The following BMPR1B variants were observed in gnomAD, a reference collection of about 807,000 sequenced individuals.
BMPR1B encodes the protein bone morphogenetic protein receptor type 1B.
Under a neutral mutation model 59.1 loss-of-function variants are expected in BMPR1B, and 12 were observed. The ratio of observed to expected loss-of-function variants is 0.20; its 90% CI spans 0.13 to 0.33. The LOEUF (loss-of-function observed/expected upper bound fraction) is 0.33. BMPR1B is among the 10% of genes least tolerant of loss of function. BMPR1B has a pLI of 1.00. For synonymous variants in BMPR1B, 237 were observed against 207.3 expected (o/e 1.14, Z -1.23); for missense variants, 550 against 610.9 (o/e 0.90, Z 1.05).
rs964196810 is a variant in BMPR1B at position 95,113,515 on chromosome 4, C to T, written c.144-1205C>T. Among the ~76,000 whole-genome samples, 5 of 152,084 alleles carry T rather than the reference C, an allele frequency of 3.3e-5. No individual in the cohort carries two copies. In the South Asian group the frequency reaches 1.0e-3, roughly 32 times the overall value. Reference sequence around the variant, plus strand: ...TAGTATCGTTCTCAGAGCTTTATTCCCATGACCTTTCAAGATTACATTGCC... The same window carrying T: ...TAGTATCGTTCTCAGAGCTTTATTCTCATGACCTTTCAAGATTACATTGCC... On this transcript the variant is annotated intron_variant, in intron 4 of 12. Coordinates refer to ENST00000515059, the MANE Select transcript of BMPR1B (RefSeq NM_001203.3).
rs556096275 is a variant in BMPR1B, at chr4:94,841,640, C to A, written c.-182-34191C>A. ...TTCGGCTCGCACACGGTGCGCGCACCCACTGATCTGCGCCCACTGGCACTC... is the reference window on the plus strand; with the variant it reads ...TTCGGCTCGCACACGGTGCGCGCACACACTGATCTGCGCCCACTGGCACTC... On this transcript the variant is annotated intron_variant, in intron 1 of 12. Coordinates refer to ENST00000515059, the MANE Select transcript of BMPR1B (RefSeq NM_001203.3). Among the ~76,000 whole-genome samples the A allele has an allele frequency of 3.3e-5, 5 of 152,210 alleles. 1 individual carries two copies. In the South Asian group the frequency reaches 1.0e-3, roughly 32 times the overall value.
At chr4:95,060,255 A>G (rs957702364) in intron 3 of BMPR1B, among the ~76,000 whole-genome samples, 2 of 152,040 alleles carry the variant, frequency 1.3e-5, no homozygotes, top group African/African-American at 4.8e-5. Flanking sequence ...AATTCAAGAT[A>G]ATAAAGTTCA....
rs562931077 is a variant in BMPR1B at position 95,129,517 on chromosome 4, A to C, written c.586-345A>C. ...TAGGTGTATGGTGACGAGTCTCTTCAGAGTATGTAGTAGTCCATTATAACG... is the reference window on the plus strand; with the variant it reads ...TAGGTGTATGGTGACGAGTCTCTTCCGAGTATGTAGTAGTCCATTATAACG... On this transcript the variant is annotated intron_variant, in intron 8 of 12. Transcript: ENST00000515059. Among the ~76,000 whole-genome samples the C allele has an allele frequency of 1.7e-3, 264 of 152,184 alleles. 1 individual carries two copies. Among genetic ancestry groups the C allele is most frequent in the African/African-American group, 6.0e-3 (249 of 41,508 alleles).
At chr4:94,832,813 A>G (rs1724654736) in intron 1 of BMPR1B, among the ~76,000 whole-genome samples, 1 of 151,986 alleles carries the variant, frequency 6.6e-6, no homozygotes, top group East Asian at 1.9e-4. Flanking sequence ...AAGGTAGTGC[A>G]GTGTATTGGG....
At chr4:94,914,061 G>C (rs1728387638) in intron 2 of BMPR1B, among the ~76,000 whole-genome samples, 1 of 152,094 alleles carries the variant, frequency 6.6e-6, no homozygotes, top group Non-Finnish European at 1.5e-5. Context: ...AAAATGCTTT[G>C]AGCACCTATA....
intron 3 of BMPR1B, among the ~76,000 whole-genome samples, chr4:95,098,115 G>T (rs1730562581): frequency 6.6e-6 from 1 of 151,964 alleles, no homozygotes; most frequent in African/African-American, 2.4e-5. Flanking sequence ...ATTCTTATAT[G>T]TTATTTTAAT....
At chr4:95,080,367 G>A (rs896324165) in intron 3 of BMPR1B, among the ~76,000 whole-genome samples, 2 of 152,098 alleles carry the variant, frequency 1.3e-5, no homozygotes, top group Non-Finnish European at 2.9e-5. Flanking sequence ...CTCCTGAGTA[G>A]CAGGGATTAC....
At chr4:94,999,206 C>T (rs188220407) in intron 3 of BMPR1B, among the ~76,000 whole-genome samples, 70 of 151,966 alleles carry the variant, frequency 4.6e-4, no homozygotes, top group African/African-American at 1.6e-3. Context: ...TTTATGCTTC[C>T]CCAAGACCTA....
chr4:95,098,689 A>G (rs955348897), intron 3 of BMPR1B, among the ~76,000 whole-genome samples: 2 of 151,832 alleles, frequency 1.3e-5, no homozygotes, highest in Non-Finnish European at 2.9e-5. Flanking sequence ...GCCTTGCCTT[A>G]TATCTGTTAA....
intron 1 of BMPR1B, among the ~76,000 whole-genome samples, chr4:94,786,514 C>T (rs923138853): frequency 2.0e-5 from 3 of 151,936 alleles, no homozygotes. Flanking sequence ...GCATGTGCCA[C>T]CACACTTAGC....
At chr4:95,032,686 G>A (rs190290257) in intron 3 of BMPR1B, among the ~76,000 whole-genome samples, 2 of 152,086 alleles carry the variant, frequency 1.3e-5, no homozygotes, top group Admixed American at 1.3e-4. Flanking sequence ...CCATGTTGTA[G>A]TATGTGTCAG....
intron 10 of BMPR1B, among the ~76,000 whole-genome samples, chr4:95,143,675 A>T (rs1031967896): frequency 3.3e-5 from 5 of 152,192 alleles, no homozygotes; most frequent in Admixed American, 3.3e-4. Flanking sequence ...AGAAATATGA[A>T]CTTGGTTTTC....
chr4:95,073,661 C>T (rs1728487227), intron 3 of BMPR1B, among the ~76,000 whole-genome samples: 1 of 152,068 alleles, frequency 6.6e-6, no homozygotes, highest in African/African-American at 2.4e-5. Context: ...AATATTTTCA[C>T]ACTGAGAATT....
chr4:95,055,376 A>G (rs1726841892), intron 3 of BMPR1B, among the ~76,000 whole-genome samples: 3 of 152,212 alleles, frequency 2.0e-5, no homozygotes, highest in Admixed American at 2.0e-4. Flanking sequence ...AATTAGAATG[A>G]TAATATTGCT....
chr4:94,959,747 G>A (rs1023564635), intron 2 of BMPR1B, among the ~76,000 whole-genome samples: 1 of 152,080 alleles, frequency 6.6e-6, no homozygotes, highest in African/African-American at 2.4e-5. Flanking sequence ...TGATTAAAAT[G>A]TCAGGTAATA....
chr4:95,018,899 A>G (rs975300113), intron 3 of BMPR1B, among the ~76,000 whole-genome samples: 9 of 152,146 alleles, frequency 5.9e-5, no homozygotes, highest in Non-Finnish European at 5.9e-5. Flanking sequence ...CGGACTTCAT[A>G]CTAATTAATG....
intron 2 of BMPR1B, among the ~76,000 whole-genome samples, chr4:94,896,354 T>C (rs1727585615): frequency 6.6e-6 from 1 of 152,028 alleles, no homozygotes; most frequent in African/African-American, 2.4e-5. Context: ...TATTTGAGAA[T>C]GAAGATTTTT....
rs374488101 is a variant in BMPR1B, at chr4:94,978,526, T to A, written c.-112-17514T>A. On this transcript the variant is annotated intron_variant, in intron 2 of 12. Transcript: ENST00000515059. ...ACTGCTAAAGTGGTAGTGAAAGACTTCAAAAACACATTCTGGTGAGTAAGG... is the reference window on the plus strand; with the variant it reads ...ACTGCTAAAGTGGTAGTGAAAGACTACAAAAACACATTCTGGTGAGTAAGG... Among the ~76,000 whole-genome samples the A allele has an allele frequency of 3.9e-5, 6 of 152,208 alleles. No individual in the cohort carries two copies. The East Asian group carries it at 1.2e-3, about 29-fold the overall frequency.
intron 2 of BMPR1B, among the ~76,000 whole-genome samples, chr4:94,986,924 C>T (rs1165056395): frequency 1.3e-5 from 2 of 151,038 alleles, no homozygotes; most frequent in African/African-American, 4.9e-5. Context: ...GCCTGTAGTC[C>T]CAGCTACTCG....
Sources: gnomAD v4.1 joint callset for allele counts (sites outside exome capture counted in the v4.1 genomes callset) on GRCh38, gnomAD v4.1.1 for gene constraint, MANE v1.5 for transcripts, NCBI Gene and HGNC (gene_info 2026-07-23, HGNC 2026-07-21) for gene names.